The following RAB11FIP4 variants were observed in gnomAD, a reference collection of about 807,000 sequenced individuals.
RAB11FIP4 encodes the protein RAB11 family interacting protein 4, also known as rab11 family-interacting protein 4.
In RAB11FIP4, 23 loss-of-function variants were observed where a neutral mutation model predicts 74.3. The observed-to-expected ratio is 0.31, with a 90% CI of 0.22 to 0.44. The LOEUF (loss-of-function observed/expected upper bound fraction) is 0.44. RAB11FIP4 is among the 20% of genes least tolerant of loss of function. The pLI is 1.00. For missense variants in RAB11FIP4, 630 were observed against 863.9 expected, an observed-to-expected ratio of 0.73 and a Z score of 3.39; for synonymous variants, 360 against 359.9, an observed-to-expected ratio of 1.00 and a Z score of 0.00.
chr17:31,509,633 T>C (rs2072415906), intron 3 of RAB11FIP4, among the ~76,000 whole-genome samples: 1 of 152,160 alleles, frequency 6.6e-6, no homozygotes, highest in African/African-American at 2.4e-5. Flanking sequence ...TGAGCCACTC[T>C]GGGGATGGAA....
chr17:31,482,360 A>C (rs2071858157), intron 3 of RAB11FIP4, among the ~76,000 whole-genome samples: 1 of 152,130 alleles, frequency 6.6e-6, no homozygotes, highest in Admixed American at 6.5e-5. Context: ...TGGGAGGCCG[A>C]GGCAGGCAGA....
chr17:31,428,711 A>G (rs778233424), intron 1 of RAB11FIP4, among the ~76,000 whole-genome samples: 1 of 152,146 alleles, frequency 6.6e-6, no homozygotes, highest in South Asian at 2.1e-4. Context: ...AAGTGAGTGA[A>G]TGAATGAATG....
chr17:31,392,086 CG>C (rs1346395897), intron 1 of RAB11FIP4, 75 bp downstream of exon 1: 137 of 1,097,938 alleles, frequency 1.2e-4, no homozygotes, highest in Non-Finnish European at 1.5e-4. Context: ...GCTCCCCCGC[CG>C]GGTCACCCGC....
At chr17:31,529,884 G>A (rs1429552673) in intron 13 of RAB11FIP4, among the ~76,000 whole-genome samples, 1 of 152,208 alleles carries the variant, frequency 6.6e-6, no homozygotes. Context: ...CATGGGATCT[G>A]GGCGGGTCCG....
intron 3 of RAB11FIP4, among the ~76,000 whole-genome samples, chr17:31,456,426 C>T (rs563989664): frequency 1.3e-5 from 2 of 152,296 alleles, no homozygotes; most frequent in Non-Finnish European, 2.9e-5. Context: ...AGGCTTGTCT[C>T]GAACTCCTGA....
chr17:31,416,445 G>A (rs796084303), intron 1 of RAB11FIP4, among the ~76,000 whole-genome samples: 23 of 152,344 alleles, frequency 1.5e-4, no homozygotes, highest in African/African-American at 5.3e-4. Context: ...TCAGGCCGGT[G>A]TTGCTGAAGT....
intron 3 of RAB11FIP4, among the ~76,000 whole-genome samples, chr17:31,490,397 A>G (rs903297441): frequency 2.0e-5 from 3 of 151,936 alleles, no homozygotes; most frequent in Admixed American, 2.0e-4. Flanking sequence ...ATTTCACTTT[A>G]TATGTTTTAG....
intron 1 of RAB11FIP4, among the ~76,000 whole-genome samples, chr17:31,402,036 T>C (rs1008725607): frequency 1.3e-5 from 2 of 152,122 alleles, no homozygotes; most frequent in Non-Finnish European, 1.5e-5. Flanking sequence ...TCCATCCATA[T>C]ATACCCAACC....
chr17:31,463,329 T>C (rs1252552964), intron 3 of RAB11FIP4, among the ~76,000 whole-genome samples: 1 of 152,142 alleles, frequency 6.6e-6, no homozygotes, highest in African/African-American at 2.4e-5. Flanking sequence ...GGTAATCCCC[T>C]GCTACAGGTG....
intron 1 of RAB11FIP4, among the ~76,000 whole-genome samples, chr17:31,400,040 C>G (rs1210141051): frequency 6.8e-6 from 1 of 147,328 alleles, no homozygotes; most frequent in Admixed American, 6.7e-5. Context: ...GAGATTCCAT[C>G]TCAAAAAAAA....
intron 1 of RAB11FIP4, among the ~76,000 whole-genome samples, chr17:31,411,199 TA>T (rs1413454734): frequency 4.6e-5 from 7 of 152,120 alleles, no homozygotes; most frequent in African/African-American, 1.7e-4. Context: ...CCGTCTCTAC[TA>T]AAAATACAAA....
intron 3 of RAB11FIP4, among the ~76,000 whole-genome samples, chr17:31,481,311 G>C (rs1441390693): frequency 1.3e-5 from 2 of 151,904 alleles, no homozygotes; most frequent in African/African-American, 2.4e-5. Context: ...CATTTTTTTA[G>C]GTTCAAGTGA....
At chr17:31,414,809 T>C (rs573522834) in intron 1 of RAB11FIP4, among the ~76,000 whole-genome samples, 11 of 152,350 alleles carry the variant, frequency 7.2e-5, no homozygotes, top group East Asian at 3.9e-4. Flanking sequence ...GGGTCCTTCA[T>C]TGGGCAGGGG....
chr17:31,496,722 C>G (rs1021556149), intron 3 of RAB11FIP4, among the ~76,000 whole-genome samples: 1 of 152,224 alleles, frequency 6.6e-6, no homozygotes, highest in Non-Finnish European at 1.5e-5. Context: ...CTCAGAAGCC[C>G]AGTGTGCTGT....
chr17:31,472,510 C>T (rs2071748186), intron 3 of RAB11FIP4, among the ~76,000 whole-genome samples: 2 of 152,256 alleles, frequency 1.3e-5, no homozygotes, highest in Admixed American at 1.3e-4. Flanking sequence ...CAGCCGCACA[C>T]CAGGGATACA....
chr17:31,524,424 G>A, intron 9 of RAB11FIP4: 1 of 192,900 alleles, frequency 5.2e-6, no homozygotes, highest in Non-Finnish European at 1.1e-5. Context: ...CGTTCCTGAT[G>A]CTGTCTGCAG....
At chr17:31,522,111 G>A (rs75048991) in intron 6 of RAB11FIP4, 62 bp downstream of exon 6, 262,407 of 1,603,482 alleles carry the variant, frequency 0.16, 23,423 homozygotes, top group Non-Finnish European at 0.18. Context: ...CCTGGAGGGA[G>A]AAGCTACGGG....
intron 3 of RAB11FIP4, among the ~76,000 whole-genome samples, chr17:31,437,114 C>G (rs146510626): frequency 6.3e-4 from 96 of 152,206 alleles, no homozygotes; most frequent in Non-Finnish European, 5.9e-5. Flanking sequence ...GGTCTGGCCC[C>G]GGCTTGGTTG....
intron 3 of RAB11FIP4, among the ~76,000 whole-genome samples, chr17:31,460,728 G>C (rs1303995924): frequency 1.3e-5 from 2 of 152,054 alleles, no homozygotes; most frequent in East Asian, 3.9e-4. Context: ...TGTATATATA[G>C]AGACATATAT....
Sources: allele counts gnomAD v4.1 joint callset (sites outside exome capture counted in the v4.1 genomes callset), GRCh38; gene constraint gnomAD v4.1.1; transcripts MANE v1.5; gene names NCBI Gene and HGNC (gene_info 2026-07-23, HGNC 2026-07-21).